MID2: variants seen among roughly 807,000 people sequenced by gnomAD.
MID2 encodes midline 2, also known as probable E3 ubiquitin-protein ligase MID2.
In MID2, 13 loss-of-function variants were observed where a neutral mutation model predicts 46.1. The observed-to-expected ratio is 0.28, with a 90% CI of 0.18 to 0.45. MID2 has a LOEUF of 0.45. MID2 is among the 20% of genes least tolerant of loss of function. The probability of loss-of-function intolerance (pLI) is 1.00; values close to 1 mark genes in which losing one functional copy is unlikely to be tolerated. For missense variants in MID2, 431 were observed against 575.4 expected (o/e 0.75, Z 2.57); for synonymous variants, 199 against 212.3 (o/e 0.94, Z 0.55).
At chrX:107,837,145 C>T (rs1000085650) in intron 1 of MID2, among the ~76,000 whole-genome samples, 26 of 112,019 alleles carry the variant, frequency 2.3e-4, no homozygotes, top group Non-Finnish European at 4.5e-4. Flanking sequence ...AGCTTAATTT[C>T]ATAATGAGGT....
At chrX:107,883,617 T>A (rs1932380608) in intron 3 of MID2, among the ~76,000 whole-genome samples, 1 of 112,520 alleles carries the variant, frequency 8.9e-6, no homozygotes, top group South Asian at 3.7e-4. Context: ...GCATAGCTTA[T>A]TTTTATACCA....
rs768384621 is a variant in MID2, at chrX:107,826,162, T to C, written c.-265T>C. 1.7e-3 allele frequency: 505 copies of C among 295,423 alleles called. 8 individuals carry two copies. The highest frequency in any genetic ancestry group is 0.013 in the African/African-American group (470 of 36,411). 24.3% of individuals were successfully genotyped at this position (295,423 alleles called of 1,213,427 possible). ...AGGGGCGAAAACTCTTAAGTTTAGC[T>C]CGGGAGGCCCAGCTGCGGTAGCATC... On this transcript the variant is annotated 5_prime_UTR_variant, in exon 1 of 10. Transcript: ENST00000262843.
At position 107,913,712 on chromosome X, in the gene MID2, T is replaced by C. The variant is rs761911106; in HGVS notation, c.1074-2290T>C. Among the ~76,000 whole-genome samples the C allele has an allele frequency of 3.6e-5, 4 of 112,024 alleles. No homozygotes were observed. The South Asian group carries it at 1.5e-3, about 42-fold the overall frequency. ...TTGATGCTTTGTGAATTAACCCTTT[T>C]TGTTTTGTTTGTTTACACTCATGCT... On this transcript the variant is annotated intron_variant, in intron 5 of 9. Transcript: ENST00000262843.
chrX:107,850,684 A>C (rs763891619), intron 2 of MID2, among the ~76,000 whole-genome samples: 3 of 112,195 alleles, frequency 2.7e-5, no homozygotes, highest in Non-Finnish European at 5.6e-5. Flanking sequence ...CTAGGGGCAA[A>C]CTAACCATTT....
chrX:107,832,566 C>T (rs193146637), intron 1 of MID2, among the ~76,000 whole-genome samples: 159 of 111,514 alleles, frequency 1.4e-3, no homozygotes, highest in African/African-American at 5.1e-3. Flanking sequence ...AGGTATTTTT[C>T]ATCTGATAGA....
intron 3 of MID2, among the ~76,000 whole-genome samples, chrX:107,861,807 G>A (rs1162387705): frequency 8.9e-6 from 1 of 111,964 alleles, no homozygotes; most frequent in Non-Finnish European, 1.9e-5. Flanking sequence ...GATCCACTGC[G>A]TTCATCCACA....
At chrX:107,846,835 A>G (rs757940842) in intron 2 of MID2, among the ~76,000 whole-genome samples, 5 of 112,085 alleles carry the variant, frequency 4.5e-5, no homozygotes, top group East Asian at 2.8e-4. Context: ...CTCTTCACCA[A>G]TATTTGAAAG....
chrX:107,901,879 T>C (rs1932797205), intron 3 of MID2, among the ~76,000 whole-genome samples: 1 of 111,711 alleles, frequency 9.0e-6, no homozygotes, highest in South Asian at 3.8e-4. Flanking sequence ...GACATGAAAG[T>C]GCATGGCATT....
intron 3 of MID2, among the ~76,000 whole-genome samples, chrX:107,898,149 G>A (rs181319269): frequency 1.8e-5 from 2 of 111,355 alleles, no homozygotes; most frequent in East Asian, 5.7e-4. Flanking sequence ...TCTCAACTAA[G>A]ATGTCAATTA....
chrX:107,846,858 G>A (rs748397833), intron 2 of MID2, among the ~76,000 whole-genome samples: 4 of 111,969 alleles, frequency 3.6e-5, no homozygotes, highest in African/African-American at 9.7e-5. Flanking sequence ...GCTAACAATC[G>A]TTTGTTTGAG....
chrX:107,837,432 A>G (rs962943509), intron 1 of MID2, among the ~76,000 whole-genome samples: 2 of 110,948 alleles, frequency 1.8e-5, no homozygotes, highest in Non-Finnish European at 3.8e-5. Context: ...AGATGGGCCT[A>G]GAAGACAGAG....
intron 7 of MID2, among the ~76,000 whole-genome samples, chrX:107,921,481 G>A (rs1933071879): frequency 9.0e-6 from 1 of 111,024 alleles, no homozygotes; most frequent in African/African-American, 3.3e-5. Flanking sequence ...ATACCCTGCT[G>A]CTTCATCAAA....
chrX:107,862,251 G>A (rs1296168267), intron 3 of MID2, among the ~76,000 whole-genome samples: 3 of 111,307 alleles, frequency 2.7e-5, no homozygotes, highest in African/African-American at 3.3e-5. Flanking sequence ...AGTAATTTTG[G>A]GCACTACACA....
chrX:107,894,804 T>C (rs1932682675), intron 3 of MID2: 1 of 103,834 alleles, frequency 9.6e-6, no homozygotes, highest in East Asian at 3.0e-4. Context: ...CGGATAAAAA[T>C]AAACTAGGTT....
Position 107,926,535 on chromosome X carries a change from T to A in MID2, c.1806-136T>A, listed in dbSNP as rs372671756. On this transcript the variant is annotated intron_variant, in intron 9 of 9. Transcript: ENST00000262843. Reference sequence around the variant, plus strand: ...CTAACTTTTTAAAGCTCTAGTGATATCAGCATTATGCATCTAAGTGTAAAC... The same window carrying A: ...CTAACTTTTTAAAGCTCTAGTGATAACAGCATTATGCATCTAAGTGTAAAC... The A allele has an allele frequency of 1.1e-5, 7 of 655,123 alleles. No homozygotes were observed. In the East Asian group the frequency reaches 1.8e-4, roughly 17 times the overall value. The allele number at this position is 655,123 out of a possible 1,213,427, so 54.0% of individuals were successfully genotyped here.
intron 1 of MID2, among the ~76,000 whole-genome samples, chrX:107,829,435 C>T (rs763585585): frequency 8.9e-6 from 1 of 112,457 alleles, no homozygotes; most frequent in South Asian, 3.7e-4. Flanking sequence ...GCACTCTAAC[C>T]TAACAATCTG....
rs767349532 is a variant in MID2 at position 107,890,672 on chromosome X, G to T, written c.817-13286G>T. Among the ~76,000 whole-genome samples, 103 of 112,192 alleles carry T rather than the reference G, an allele frequency of 9.2e-4. 1 individual carries two copies. The highest frequency in any genetic ancestry group is 3.0e-3 in the African/African-American group (94 of 30,948). On this transcript the variant is annotated intron_variant, in intron 3 of 9. Coordinates refer to ENST00000262843, the MANE Select transcript of MID2 (RefSeq NM_012216.4). The stretch of plus-strand genomic sequence containing the variant: ...TCAGACAGGGACATTTAAGTCTGCA[G>T]AGTTTTCTGCTGCCTTTTGTTTGGC...
rs1420229892 is a variant in MID2, at chrX:107,890,604, C to A, written c.817-13354C>A. Among the ~76,000 whole-genome samples, 3 of 112,301 alleles carry A rather than the reference C, an allele frequency of 2.7e-5. No individual in the cohort carries two copies. The Admixed American group carries it at 2.8e-4, about 11-fold the overall frequency. On this transcript the variant is annotated intron_variant, in intron 3 of 9. Coordinates refer to ENST00000262843, the MANE Select transcript of MID2 (RefSeq NM_012216.4). ...AGAGGCAGTCTGTCTGTTCTCAGAT[C>A]TCCAGCTGTGTGCTGGGAGAACCAC...
Position 107,930,513 on chromosome X carries a change from A to AT in MID2, c.*3442dup, listed in dbSNP as rs1175193074. Among the ~76,000 whole-genome samples the AT allele has an allele frequency of 8.9e-6, 1 of 112,196 alleles. No homozygotes were observed. The highest frequency in any genetic ancestry group is 3.2e-5 in the African/African-American group (1 of 30,920). ...CTAAGCCTACTTAAAAAAGTGGGGA[A>AT]TTAAACTGGGTTTGGAGTAAGCAAT... On this transcript the variant is annotated 3_prime_UTR_variant, in exon 10 of 10. Transcript: ENST00000262843.
Sources: allele counts gnomAD v4.1 joint callset (sites outside exome capture counted in the v4.1 genomes callset), GRCh38; gene constraint gnomAD v4.1.1; transcripts MANE v1.5; gene names NCBI Gene and HGNC (gene_info 2026-07-23, HGNC 2026-07-21).